The following NDUFA9 variants were observed in gnomAD, a reference collection of about 807,000 sequenced individuals.
NDUFA9 encodes NADH:ubiquinone oxidoreductase subunit A9.
Under a neutral mutation model 45.9 loss-of-function variants are expected in NDUFA9, and 23 were observed. The ratio of observed to expected loss-of-function variants is 0.50; its 90% CI spans 0.36 to 0.71. The LOEUF (loss-of-function observed/expected upper bound fraction) is 0.71. Among genes scored for constraint, NDUFA9 ranks in the 30% least tolerant of loss-of-function variants. The probability of loss-of-function intolerance (pLI) is 0.00; values close to 1 mark genes in which losing one functional copy is unlikely to be tolerated. For missense variants in NDUFA9, 466 were observed against 488.2 expected (o/e 0.95, Z 0.43); for synonymous variants, 176 against 170.5 (o/e 1.03, Z -0.25).
chr12:4,685,218 G>C, intron 9 of NDUFA9, 41 bp from the exon 10 acceptor site: 1 of 1,536,872 alleles, frequency 6.5e-7, no homozygotes, highest in South Asian at 1.1e-5. Flanking sequence ...CTTGGGCAGA[G>C]AGATGCTTAT....
intron 7 of NDUFA9, among the ~76,000 whole-genome samples, chr12:4,669,406 G>A (rs1407971313): frequency 6.6e-6 from 1 of 152,232 alleles, no homozygotes; most frequent in Non-Finnish European, 1.5e-5. Context: ...GTGGGCAAAA[G>A]CAAATCAGAG....
intron 6 of NDUFA9, among the ~76,000 whole-genome samples, chr12:4,667,876 T>G (rs1356235247): frequency 1.3e-5 from 2 of 152,216 alleles, no homozygotes; most frequent in Non-Finnish European, 2.9e-5. Context: ...AAAAACTTTT[T>G]TAACCTAACA....
intron 8 of NDUFA9, among the ~76,000 whole-genome samples, chr12:4,672,449 A>G (rs1427105694): frequency 6.6e-6 from 1 of 152,052 alleles, no homozygotes; most frequent in Non-Finnish European, 1.5e-5. Flanking sequence ...AGCGGGTCCC[A>G]CCCCCACAGA....
chr12:4,679,919 T>A (rs1036597233), intron 8 of NDUFA9, among the ~76,000 whole-genome samples: 1 of 152,150 alleles, frequency 6.6e-6, no homozygotes, highest in African/African-American at 2.4e-5. Context: ...GCAAAGTCCT[T>A]CAGGAATTGA....
chr12:4,657,387 TTGTC>T (rs1408704325), intron 3 of NDUFA9: 2 of 188,028 alleles, frequency 1.1e-5, no homozygotes, highest in Non-Finnish European at 2.2e-5. Context: ...CCTTGCTTCT[TTGTC>T]TGTATTTCAG....
At chr12:4,676,167 A>G (rs1382614274) in intron 8 of NDUFA9, among the ~76,000 whole-genome samples, 1 of 152,206 alleles carries the variant, frequency 6.6e-6, no homozygotes, top group East Asian at 1.9e-4. Context: ...ATTTATGACA[A>G]ACCCACAGCC....
intron 6 of NDUFA9, among the ~76,000 whole-genome samples, chr12:4,663,425 T>C (rs1316190527): frequency 6.6e-6 from 1 of 152,216 alleles, no homozygotes; most frequent in Non-Finnish European, 1.5e-5. Context: ...GAGTTAGGAC[T>C]TTTGGAGGAA....
chr12:4,676,057 A>G (rs1591548683), intron 8 of NDUFA9, among the ~76,000 whole-genome samples: 1 of 152,260 alleles, frequency 6.6e-6, no homozygotes, highest in Non-Finnish European at 1.5e-5. Context: ...GAATATTTCA[A>G]TAGATGCAGA....
intron 6 of NDUFA9, among the ~76,000 whole-genome samples, chr12:4,663,552 C>G (rs1945836128): frequency 6.6e-6 from 1 of 152,074 alleles, no homozygotes; most frequent in Non-Finnish European, 1.5e-5. Context: ...TGAGGAAAGG[C>G]CATATGTGAG....
chr12:4,670,229 A>G (rs1169669714), intron 8 of NDUFA9, among the ~76,000 whole-genome samples: 4 of 152,228 alleles, frequency 2.6e-5, no homozygotes, highest in African/African-American at 9.6e-5. Flanking sequence ...TTATAGCACA[A>G]TTACTAGTGC....
intron 8 of NDUFA9, among the ~76,000 whole-genome samples, chr12:4,673,668 TG>T (rs1945901653): frequency 6.6e-6 from 1 of 152,048 alleles, no homozygotes; most frequent in Non-Finnish European, 1.5e-5. Flanking sequence ...CCAAGAAATA[TG>T]GGCCTGTGTG....
intron 8 of NDUFA9, among the ~76,000 whole-genome samples, chr12:4,674,935 G>A (rs1447583188): frequency 3.9e-5 from 6 of 152,146 alleles, no homozygotes; most frequent in African/African-American, 7.2e-5. Context: ...ACAGTTCTCA[G>A]CAAATGCGAA....
At chr12:4,676,351 GTC>G (rs2137481110) in intron 8 of NDUFA9, among the ~76,000 whole-genome samples, 1 of 152,294 alleles carries the variant, frequency 6.6e-6, no homozygotes, top group East Asian at 1.9e-4. Flanking sequence ...AAGTCAAATT[GTC>G]TCTGTTTGCA....
At position 4,691,328 on chromosome 12, in the gene NDUFA9, C is replaced by T. The variant is rs1477531583; in HGVS notation, c.*4220C>T. 1 of 152,202 alleles carries T rather than the reference C, an allele frequency of 6.6e-6. No individual in the cohort carries two copies. Among genetic ancestry groups the T allele is most frequent in the Non-Finnish European group, 1.5e-5 (1 of 68,030 alleles). The allele number at this position is 152,202 out of a possible 1,614,324, so 9.4% of individuals were successfully genotyped here. On this transcript the variant is annotated 3_prime_UTR_variant, in exon 11 of 11. Transcript: ENST00000266544. Reference sequence around the variant, plus strand: ...CTGAGTCCATACATTTGTTTCCTGACTTAATAAAATAGCTGCCGTTCCTGA... The same window carrying T: ...CTGAGTCCATACATTTGTTTCCTGATTTAATAAAATAGCTGCCGTTCCTGA...
intron 8 of NDUFA9, among the ~76,000 whole-genome samples, chr12:4,680,627 C>T (rs2137484586): frequency 6.6e-6 from 1 of 152,320 alleles, no homozygotes; most frequent in East Asian, 1.9e-4. Context: ...ATTCAAGTTG[C>T]TCTTGGCGTA....
intron 8 of NDUFA9, among the ~76,000 whole-genome samples, chr12:4,673,332 C>G (rs1227371742): frequency 3.9e-5 from 6 of 152,176 alleles, no homozygotes; most frequent in African/African-American, 2.4e-5. Context: ...ATTACAACTC[C>G]TTGCCAGCAA....
At position 4,692,778 on chromosome 12, in the gene NDUFA9, T is replaced by C. The variant is rs566987546; in HGVS notation, c.*5670T>C. 1 of 152,296 alleles carries C rather than the reference T, an allele frequency of 6.6e-6. No individual in the cohort carries two copies. The highest frequency in any genetic ancestry group is 2.1e-4 in the South Asian group (1 of 4,822). 9.4% of individuals were successfully genotyped at this position (152,296 alleles called of 1,614,324 possible). On this transcript the variant is annotated 3_prime_UTR_variant, in exon 11 of 11. Coordinates refer to ENST00000266544, the MANE Select transcript of NDUFA9 (RefSeq NM_005002.5). ...TGACAAGTAATAGTATATGATAGCA[T>C]AGTATATGATAGCAGTAGTATACGA...
chr12:4,652,047 G>A (rs11063283), intron 1 of NDUFA9, among the ~76,000 whole-genome samples: 4,407 of 152,170 alleles, frequency 0.029, 174 homozygotes, highest in African/African-American at 0.092. Context: ...ATGTGCTTTT[G>A]TCTCATTCTC....
intron 10 of NDUFA9, among the ~76,000 whole-genome samples, chr12:4,686,055 T>C (rs1028806947): frequency 6.6e-6 from 1 of 152,206 alleles, no homozygotes; most frequent in Non-Finnish European, 1.5e-5. Context: ...TCAGACATGG[T>C]CTATGAAAGA....
Sources: gnomAD v4.1 joint callset for allele counts (sites outside exome capture counted in the v4.1 genomes callset) on GRCh38, gnomAD v4.1.1 for gene constraint, MANE v1.5 for transcripts, NCBI Gene and HGNC (gene_info 2026-07-23, HGNC 2026-07-21) for gene names.